The following TMA7 variants were observed in gnomAD, a reference collection of about 807,000 sequenced individuals.
The protein encoded by TMA7 is translation machinery associated 7 homolog, also known as translation machinery-associated protein 7.
A neutral mutation model predicts 12.5 loss-of-function variants in TMA7; 5 were observed. The observed-to-expected ratio is 0.40, with a 90% CI of 0.21 to 0.84. The LOEUF (loss-of-function observed/expected upper bound fraction) is 0.84. Among genes scored for constraint, TMA7 ranks in the 40% least tolerant of loss-of-function variants. The pLI is 0.36. For missense variants in TMA7, 71 were observed against 75.4 expected, an observed-to-expected ratio of 0.94 and a Z score of 0.22; for synonymous variants, 36 against 28.1, an observed-to-expected ratio of 1.28 and a Z score of -0.89.
At chr3:48,441,462 C>T (rs1393873994) in intron 3 of TMA7, among the ~76,000 whole-genome samples, 2 of 150,548 alleles carry the variant, frequency 1.3e-5, no homozygotes, top group African/African-American at 4.9e-5. Context: ...GGATTACAAG[C>T]GTGAGCCACA....
At chr3:48,441,861 CCT>C (rs377697950) in intron 3 of TMA7, among the ~76,000 whole-genome samples, 189 of 152,286 alleles carry the variant, frequency 1.2e-3, no homozygotes, top group African/African-American at 4.2e-3. Flanking sequence ...CTTCCCAAGA[CCT>C]CTCTCCCAGT....
intron 3 of TMA7, among the ~76,000 whole-genome samples, chr3:48,443,066 C>A (rs1181473000): frequency 1.3e-5 from 2 of 151,600 alleles, no homozygotes; most frequent in Admixed American, 6.6e-5. Context: ...ATGGTCAAAC[C>A]CCATCTCTAC....
In TMA7 at chr3:48,440,282, G is replaced by C. The variant is rs374017589; in HGVS notation, c.-15G>C. On this transcript the variant is annotated 5_prime_UTR_variant, in exon 1 of 4. Transcript: ENST00000438607. Reference sequence around the variant, plus strand: ...GTTTCCGGTGGCAGGGTCTGGGGAAGCGGCGGCAGGCGCCATGTCCGGCCG... The same window carrying C: ...GTTTCCGGTGGCAGGGTCTGGGGAACCGGCGGCAGGCGCCATGTCCGGCCG... The C allele has an allele frequency of 1.9e-6, 3 of 1,600,068 alleles. No homozygotes were observed. The highest frequency in any genetic ancestry group is 3.4e-5 in the Admixed American group (2 of 59,274).
At chr3:48,442,742 G>A (rs1276282831) in intron 3 of TMA7, among the ~76,000 whole-genome samples, 1 of 152,002 alleles carries the variant, frequency 6.6e-6, no homozygotes, top group Admixed American at 6.5e-5. Flanking sequence ...GAGCCACCGC[G>A]CCTGGCCCAA....
chr3:48,443,759 C>A (rs955420170), intron 3 of TMA7, 89 bp from the exon 4 acceptor site: 12 of 1,084,308 alleles, frequency 1.1e-5, no homozygotes, highest in African/African-American at 1.6e-5. Context: ...ATACAAAAGC[C>A]AGGCTTTACT....
intron 3 of TMA7, 200 bp downstream of exon 3, chr3:48,440,828 C>T (rs752312889): frequency 2.5e-5 from 15 of 606,348 alleles, no homozygotes; most frequent in Non-Finnish European, 3.8e-5. Flanking sequence ...TCTCCTGCCT[C>T]CCAGGCAGTC....
intron 3 of TMA7, among the ~76,000 whole-genome samples, chr3:48,443,060 T>G (rs2039603586): frequency 6.6e-6 from 1 of 151,350 alleles, no homozygotes; most frequent in Non-Finnish European, 1.5e-5. Context: ...GCCAACATGG[T>G]CAAACCCCAT....
intron 3 of TMA7, among the ~76,000 whole-genome samples, chr3:48,443,241 C>CAAAA (rs3082576): frequency 6.2e-4 from 44 of 70,534 alleles, no homozygotes; most frequent in African/African-American, 2.6e-3. Flanking sequence ...ACTCCATCTC[C>CAAAA]AAAAAAAAAA....
At position 48,440,608 on chromosome 3, in the gene TMA7, C is replaced by A. The variant is rs1243335311; in HGVS notation, c.140C>A (p.Ala47Asp). Residue 47 changes from alanine (A) to aspartate (D), a missense_variant, in exon 3 of 4, where the codon GCC becomes GAC. By Grantham distance (126) the Ala-to-Asp change is moderately radical (BLOSUM62 -2). Transcript: ENST00000438607. ...QKKLEELKAKAAGKGPLATGG... is the reference protein window; with the variant it reads ...QKKLEELKAKDAGKGPLATGG... The stretch of plus-strand genomic sequence containing the variant: ...AAACTCGAGGAGCTAAAAGCGAAGG[C>A]CGCGGGGAAGGGGCCCTTGGGTAAG... 6.2e-7 allele frequency: 1 copy of A among 1,611,472 alleles called. No individual in the cohort carries two copies. Among genetic ancestry groups the A allele is most frequent in the Non-Finnish European group, 8.5e-7 (1 of 1,179,696 alleles).
At chr3:48,441,904 G>T (rs2039578168) in intron 3 of TMA7, among the ~76,000 whole-genome samples, 1 of 152,142 alleles carries the variant, frequency 6.6e-6, no homozygotes, top group African/African-American at 2.4e-5. Flanking sequence ...TACCTACCCA[G>T]CACTGAGATT....
Position 48,440,389 on chromosome 3 carries a change from C to T in TMA7, c.17-14C>T. 1 of 1,611,752 alleles carries T rather than the reference C, an allele frequency of 6.2e-7. No homozygotes were observed. Among genetic ancestry groups the T allele is most frequent in the Non-Finnish European group, 8.5e-7 (1 of 1,179,794 alleles). On this transcript the variant is annotated splice_polypyrimidine_tract_variant and intron_variant, in intron 1 of 3. Transcript: ENST00000438607. ...GCGGCAGGGGCAGGCCGAACGTGCT[C>T]GTGTCGCCCACAGGTGGCAAGAAGA...
intron 3 of TMA7, among the ~76,000 whole-genome samples, chr3:48,442,395 T>C (rs2039591583): frequency 6.6e-6 from 1 of 152,026 alleles, no homozygotes; most frequent in South Asian, 2.1e-4. Context: ...TTTTAAGGTT[T>C]ATTTTGTCAG....
chr3:48,440,343 G>A (rs369617351), intron 1 of TMA7, 31 bp downstream of exon 1: 2 of 1,611,924 alleles, frequency 1.2e-6, no homozygotes, highest in South Asian at 1.1e-5. Context: ...AGGACTGCGG[G>A]GACGGCGGGG....
chr3:48,443,001 A>T (rs2107170932), intron 3 of TMA7, among the ~76,000 whole-genome samples: 1 of 151,676 alleles, frequency 6.6e-6, no homozygotes, highest in Admixed American at 6.6e-5. Context: ...GCACTTTGGG[A>T]GGCTGAGGTG....
In TMA7 at chr3:48,440,265, T is replaced by A; in HGVS notation, c.-32T>A. The A allele has an allele frequency of 2.5e-6, 4 of 1,584,124 alleles. No homozygotes were observed. Among genetic ancestry groups the A allele is most frequent in the Non-Finnish European group, 3.4e-6 (4 of 1,165,424 alleles). Reference sequence around the variant, plus strand: ...GGTGGGGCAGACGCTCCGTTTCCGGTGGCAGGGTCTGGGGAAGCGGCGGCA... The same window carrying A: ...GGTGGGGCAGACGCTCCGTTTCCGGAGGCAGGGTCTGGGGAAGCGGCGGCA... On this transcript the variant is annotated 5_prime_UTR_variant, in exon 1 of 4. Transcript: ENST00000438607.
intron 3 of TMA7, among the ~76,000 whole-genome samples, chr3:48,441,501 G>C (rs1255419769): frequency 7.4e-6 from 1 of 134,916 alleles, no homozygotes; most frequent in Non-Finnish European, 1.6e-5. Context: ...TTTTTTTTTC[G>C]TACTGCTTAT....
rs2039618817 is a variant in TMA7, at chr3:48,443,704, T to C, written c.161-144T>C. ...TTTTACCTTTACCTAGAACAGACAG[T>C]ATCAGTGAAGCTGCTATCCATGCTT... On this transcript the variant is annotated intron_variant, in intron 3 of 3. Transcript: ENST00000438607. 4 of 547,690 alleles carry C rather than the reference T, an allele frequency of 7.3e-6. No individual in the cohort carries two copies. In the African/African-American group the frequency reaches 7.9e-5, roughly 11 times the overall value. 33.9% of individuals were successfully genotyped at this position (547,690 alleles called of 1,614,324 possible).
In TMA7 at chr3:48,443,964, T is replaced by A. The variant is rs1360626185; in HGVS notation, c.*82T>A. The A allele has an allele frequency of 5.9e-6, 6 of 1,015,268 alleles. No individual in the cohort carries two copies. The Admixed American group carries it at 1.4e-4, about 24-fold the overall frequency. 62.9% of individuals were successfully genotyped at this position (1,015,268 alleles called of 1,614,324 possible). A position where few individuals can be genotyped will look rare whatever the true frequency, so the allele number is the denominator to read the frequency against. ...CTCTATTCCCTGCCATAACATCTTT[T>A]GCCACGTATAGCTGGAATTAAGTGT... On this transcript the variant is annotated 3_prime_UTR_variant, in exon 4 of 4. Transcript: ENST00000438607.
In TMA7 at chr3:48,440,326, A is replaced by C. The variant is rs377181258; in HGVS notation, c.16+14A>C. On this transcript the variant is annotated intron_variant, in intron 1 of 3. Transcript: ENST00000438607. The stretch of plus-strand genomic sequence containing the variant: ...CCGGCCGCGAAGGTAAGTGTTCCGG[A>C]ACCGTGAGGACTGCGGGGACGGCGG... 4.8e-5 allele frequency: 77 copies of C among 1,611,396 alleles called. No individual in the cohort carries two copies. Among genetic ancestry groups the C allele is most frequent in the African/African-American group, 6.7e-5 (5 of 74,896 alleles).
Sources: allele counts gnomAD v4.1 joint callset (sites outside exome capture counted in the v4.1 genomes callset), GRCh38; gene constraint gnomAD v4.1.1; transcripts MANE v1.5; gene names NCBI Gene and HGNC (gene_info 2026-07-23, HGNC 2026-07-21).